Variants in MSRB3 observed in about 807,000 individuals in gnomAD.
MSRB3 encodes methionine sulfoxide reductase B3.
Under a neutral mutation model 21.0 loss-of-function variants are expected in MSRB3, and 13 were observed. The observed-to-expected ratio is 0.62, with a 90% CI of 0.40 to 0.98. The LOEUF (loss-of-function observed/expected upper bound fraction) is 0.98. Among genes scored for constraint, MSRB3 ranks in the 50% least tolerant of loss-of-function variants. The pLI is 0.00. For synonymous variants in MSRB3, 87 were observed against 88.6 expected, an observed-to-expected ratio of 0.98 and a Z score of 0.10; for missense variants, 199 against 230.3, an observed-to-expected ratio of 0.86 and a Z score of 0.88.
At chr12:65,362,159 A>G (rs1306373328) in intron 4 of MSRB3, among the ~76,000 whole-genome samples, 2 of 152,156 alleles carry the variant, frequency 1.3e-5, no homozygotes, top group Non-Finnish European at 2.9e-5. Context: ...AAATGATATC[A>G]GAGTTGTGGG....
intron 5 of MSRB3, among the ~76,000 whole-genome samples, chr12:65,432,226 A>G (rs1010848203): frequency 4.6e-5 from 7 of 152,022 alleles, no homozygotes; most frequent in Non-Finnish European, 1.0e-4. Flanking sequence ...ATTACTTGCT[A>G]TTCACATATA....
rs571346803 is a variant in MSRB3 at position 65,421,970 on chromosome 12, T to C, written c.293-31758T>C. 2.0e-5 allele frequency among the ~76,000 whole-genome samples: 3 copies of C among 152,286 alleles called. No individual in the cohort carries two copies. The South Asian group carries it at 6.2e-4, about 32-fold the overall frequency. On this transcript the variant is annotated intron_variant, in intron 5 of 6. Coordinates refer to ENST00000308259, the MANE Select transcript of MSRB3 (RefSeq NM_001031679.3). Reference sequence around the variant, plus strand: ...AAAGAAACAAGACTCAATGGTATGCTTTCTTCAAGAGACCCATCTAACATG... The same window carrying C: ...AAAGAAACAAGACTCAATGGTATGCCTTCTTCAAGAGACCCATCTAACATG...
intron 2 of MSRB3, among the ~76,000 whole-genome samples, chr12:65,325,637 A>T (rs959951667): frequency 3.3e-5 from 5 of 152,220 alleles, no homozygotes; most frequent in African/African-American, 1.2e-4. Context: ...AACGTAAAAA[A>T]AACGGGAAGC....
chr12:65,429,873 G>C (rs1030250212), intron 5 of MSRB3, among the ~76,000 whole-genome samples: 3 of 152,068 alleles, frequency 2.0e-5, no homozygotes, highest in Non-Finnish European at 4.4e-5. Context: ...ATTTGCTTCT[G>C]GTTTTTATCT....
chr12:65,326,219 A>G (rs1391486932), intron 2 of MSRB3, among the ~76,000 whole-genome samples: 1 of 152,172 alleles, frequency 6.6e-6, no homozygotes, highest in African/African-American at 2.4e-5. Flanking sequence ...ACAGTCTTTG[A>G]AGAGATATAC....
intron 5 of MSRB3, among the ~76,000 whole-genome samples, chr12:65,427,159 C>T (rs964347074): frequency 2.6e-5 from 4 of 152,092 alleles, no homozygotes; most frequent in African/African-American, 9.7e-5. Flanking sequence ...GAACAGTCAC[C>T]TCTTCTAGAT....
intron 5 of MSRB3, among the ~76,000 whole-genome samples, chr12:65,386,684 T>G (rs542613442): frequency 9.9e-5 from 15 of 152,068 alleles, no homozygotes; most frequent in South Asian, 4.2e-4. Flanking sequence ...AGCTTGCTGG[T>G]TCTTTTTTTT....
intron 5 of MSRB3, among the ~76,000 whole-genome samples, chr12:65,408,630 A>G (rs1880549781): frequency 6.6e-6 from 1 of 152,142 alleles, no homozygotes; most frequent in Non-Finnish European, 1.5e-5. Flanking sequence ...AGTGCATTCT[A>G]TAGACCCACA....
At chr12:65,344,359 T>G (rs974713582) in intron 4 of MSRB3, 1 of 151,974 alleles carries the variant, frequency 6.6e-6, no homozygotes, top group African/African-American at 2.4e-5. Flanking sequence ...GGTAATAATT[T>G]GCTGCAGGGG....
chr12:65,309,954 G>A (rs967392414), intron 2 of MSRB3, among the ~76,000 whole-genome samples: 3 of 152,150 alleles, frequency 2.0e-5, no homozygotes, highest in African/African-American at 4.8e-5. Context: ...AAGTCTTGGG[G>A]AGATGAACAG....
chr12:65,436,243 C>G (rs752505510), intron 5 of MSRB3, among the ~76,000 whole-genome samples: 7 of 151,710 alleles, frequency 4.6e-5, no homozygotes, highest in Non-Finnish European at 1.0e-4. Context: ...AGTTTGTCAC[C>G]AATAGAAACC....
chr12:65,463,938 C>T lies in MSRB3; in HGVS notation c.*616C>T, dbSNP rs951916116. 6.5e-6 allele frequency: 1 copy of T among 153,344 alleles called. No homozygotes were observed. Among genetic ancestry groups the T allele is most frequent in the Admixed American group, 6.5e-5 (1 of 15,426 alleles). 9.5% of individuals were successfully genotyped at this position (153,344 alleles called of 1,614,324 possible). On this transcript the variant is annotated 3_prime_UTR_variant, in exon 7 of 7. Transcript: ENST00000308259. ...CTGAGTGTTGTGGCAGAGAAGTAAA[C>T]ATTACCACACTGTTAGGCCTTTATT...
At chr12:65,320,597 T>G (rs1372282093) in intron 2 of MSRB3, among the ~76,000 whole-genome samples, 1 of 152,136 alleles carries the variant, frequency 6.6e-6, no homozygotes, top group Non-Finnish European at 1.5e-5. Context: ...TGATCTGTAG[T>G]CTAAAAAGGA....
At chr12:65,422,451 G>GT in intron 5 of MSRB3, among the ~76,000 whole-genome samples, 1 of 116,570 alleles carries the variant, frequency 8.6e-6, no homozygotes, top group African/African-American at 3.2e-5. Flanking sequence ...TATTTATGGG[G>GT]TATATGGGAT....
intron 5 of MSRB3, among the ~76,000 whole-genome samples, chr12:65,391,675 T>C (rs1238208847): frequency 6.6e-6 from 1 of 152,222 alleles, no homozygotes; most frequent in Non-Finnish European, 1.5e-5. Flanking sequence ...GTTTTGAACT[T>C]AGAGTACATT....
At chr12:65,319,855 T>C (rs1177608287) in intron 2 of MSRB3, among the ~76,000 whole-genome samples, 1 of 152,188 alleles carries the variant, frequency 6.6e-6, no homozygotes, top group African/African-American at 2.4e-5. Context: ...ACACTAATAC[T>C]AAAAGTGCTG....
intron 4 of MSRB3, among the ~76,000 whole-genome samples, chr12:65,331,938 A>G (rs575059376): frequency 6.6e-6 from 1 of 152,358 alleles, no homozygotes; most frequent in East Asian, 1.9e-4. Context: ...TGCAAGCACT[A>G]GAGGAGCTTG....
intron 5 of MSRB3, among the ~76,000 whole-genome samples, chr12:65,375,007 G>A (rs1415044677): frequency 1.6e-5 from 2 of 124,972 alleles, no homozygotes; most frequent in Non-Finnish European, 3.3e-5. Context: ...CCGCCACCAC[G>A]CCTGGCTTTT....
intron 1 of MSRB3, among the ~76,000 whole-genome samples, chr12:65,279,852 T>G (rs1387532730): frequency 1.3e-5 from 2 of 152,240 alleles, no homozygotes; most frequent in African/African-American, 4.8e-5. Flanking sequence ...CGTCAAAGCT[T>G]CTTGCTTCTT....
Sources: gnomAD v4.1 joint callset for allele counts (sites outside exome capture counted in the v4.1 genomes callset) on GRCh38, gnomAD v4.1.1 for gene constraint, MANE v1.5 for transcripts, NCBI Gene and HGNC (gene_info 2026-07-23, HGNC 2026-07-21) for gene names.